The following ARHGAP22 variants were observed in gnomAD, a reference collection of about 807,000 sequenced individuals.
ARHGAP22 encodes Rho GTPase activating protein 22.
In ARHGAP22, 48 loss-of-function variants were observed where a neutral mutation model predicts 59.1. That is an observed-to-expected ratio of 0.81 (90% CI 0.64 to 1.03). The LOEUF (loss-of-function observed/expected upper bound fraction) is 1.03, where lower values mean the gene tolerates loss of function less well. Ranked by LOEUF, ARHGAP22 falls within the 50% of genes least tolerant of loss-of-function variation. The probability of loss-of-function intolerance (pLI) is 0.00; values close to 1 mark genes in which losing one functional copy is unlikely to be tolerated. For missense variants in ARHGAP22, 1,015 were observed against 958.7 expected, an observed-to-expected ratio of 1.06 and a Z score of -0.78; for synonymous variants, 445 against 416.4, an observed-to-expected ratio of 1.07 and a Z score of -0.84.
At chr10:48,629,995 T>A (rs2061574535) in intron 1 of ARHGAP22, among the ~76,000 whole-genome samples, 4 of 152,232 alleles carry the variant, frequency 2.6e-5, no homozygotes, top group Admixed American at 2.6e-4. Context: ...AATTTCAACT[T>A]TCAATTGTTC....
rs1476972188 is a variant in ARHGAP22 at position 48,604,819 on chromosome 10, C to T, written c.-23G>A. 1 of 1,614,130 alleles carries T rather than the reference C, an allele frequency of 6.2e-7. No individual in the cohort carries two copies. The highest frequency in any genetic ancestry group is 1.1e-5 in the South Asian group (1 of 91,090). ...CATGTTCTTGCAGCCGTCCGGCCAG[C>T]CCCGCAGGGCCGTTCATGCTGTCAT... On this transcript the variant is annotated 5_prime_UTR_variant, in exon 1 of 10. Transcript: ENST00000249601.
At chr10:48,588,048 G>C (rs2059534364) in intron 1 of ARHGAP22, among the ~76,000 whole-genome samples, 1 of 152,250 alleles carries the variant, frequency 6.6e-6, no homozygotes. Flanking sequence ...ATACATGGCT[G>C]ACTGTGGGAC....
At chr10:48,593,922 T>G (rs935183271) in intron 1 of ARHGAP22, among the ~76,000 whole-genome samples, 1 of 152,238 alleles carries the variant, frequency 6.6e-6, no homozygotes, top group Non-Finnish European at 1.5e-5. Flanking sequence ...GTGATAATGT[T>G]CCTAAAGGGA....
intron 1 of ARHGAP22, among the ~76,000 whole-genome samples, chr10:48,604,302 C>T (rs768090493): frequency 2.0e-5 from 3 of 152,252 alleles, no homozygotes; most frequent in Non-Finnish European, 4.4e-5. Context: ...TGAGGAAATA[C>T]TGTCTGCAAA....
chr10:48,609,974 C>G, upstream of ARHGAP22, among the ~76,000 whole-genome samples: 1 of 152,218 alleles, frequency 6.6e-6, no homozygotes, highest in East Asian at 1.9e-4. Flanking sequence ...CCTGCTTGTA[C>G]TGTAAGCCTG....
chr10:48,466,667 G>T (rs1330319033), intron 4 of ARHGAP22: 26 of 14,176 alleles, frequency 1.8e-3, no homozygotes, highest in Non-Finnish European at 2.5e-3. Context: ...GCCGGCATCA[G>T]GCCCATGGCG....
rs5784770 is a variant in ARHGAP22, at chr10:48,600,551, CAAA to C, written c.34+4209_34+4211del. Among the ~76,000 whole-genome samples, 111 of 139,004 alleles carry C rather than the reference CAAA, an allele frequency of 8.0e-4. 1 individual carries two copies. The highest frequency in any genetic ancestry group is 2.6e-3 in the African/African-American group (104 of 39,646). 91.2% of individuals were successfully genotyped at this position (139,004 alleles called of 152,430 possible). A position where few individuals can be genotyped will look rare whatever the true frequency, so the allele number is the denominator to read the frequency against. On this transcript the variant is annotated intron_variant, in intron 1 of 9. Coordinates refer to ENST00000249601, the MANE Select transcript of ARHGAP22 (RefSeq NM_021226.4). ...ACAATGAAAATCCCAGAGGAGTATTCAAAAAAAAAAAAAATCAGGCTGCAGTGT... is the reference window on the plus strand; with the variant it reads ...ACAATGAAAATCCCAGAGGAGTATTCAAAAAAAAAAATCAGGCTGCAGTGT...
intron 4 of ARHGAP22, 64 bp downstream of exon 4, chr10:48,479,572 C>T (rs1554864738): frequency 1.2e-6 from 2 of 1,612,182 alleles, no homozygotes; most frequent in East Asian, 2.2e-5. Context: ...TCAGGACAGG[C>T]AGGGGGCATG....
chr10:48,527,088 A>G (rs1400209804), intron 3 of ARHGAP22, among the ~76,000 whole-genome samples: 5 of 152,254 alleles, frequency 3.3e-5, no homozygotes, highest in Non-Finnish European at 7.3e-5. Context: ...ATGAGATTCA[A>G]TTTACAAAGG....
intron 1 of ARHGAP22, among the ~76,000 whole-genome samples, chr10:48,596,805 C>T (rs1383536615): frequency 1.3e-5 from 2 of 152,214 alleles, no homozygotes; most frequent in African/African-American, 4.8e-5. Flanking sequence ...GTTTTCGCTA[C>T]AGCCTTAGCC....
chr10:48,610,867 A>G (rs1007656356), intron 1 of ARHGAP22, among the ~76,000 whole-genome samples: 3 of 152,214 alleles, frequency 2.0e-5, no homozygotes, highest in Admixed American at 6.5e-5. Flanking sequence ...TCACCCTAAA[A>G]GAGCTAACAG....
At chr10:48,448,472 A>G (rs118103440) in intron 9 of ARHGAP22, among the ~76,000 whole-genome samples, 2 of 152,332 alleles carry the variant, frequency 1.3e-5, no homozygotes, top group East Asian at 3.9e-4. Flanking sequence ...CCTGCACAGC[A>G]TCTGGTACTT....
At chr10:48,527,951 G>A (rs1263486077) in intron 3 of ARHGAP22, among the ~76,000 whole-genome samples, 1 of 152,200 alleles carries the variant, frequency 6.6e-6, no homozygotes, top group African/African-American at 2.4e-5. Context: ...GGGCACAATG[G>A]GCTCTGGGAG....
At chr10:48,608,319 G>A (rs1564992657), upstream of ARHGAP22, among the ~76,000 whole-genome samples, 2 of 152,190 alleles carry the variant, frequency 1.3e-5, no homozygotes, top group South Asian at 2.1e-4. Context: ...CTGCTCAAAG[G>A]TGTCCAGTAG....
intron 3 of ARHGAP22, among the ~76,000 whole-genome samples, chr10:48,516,892 T>A (rs1240293642): frequency 6.6e-6 from 1 of 152,164 alleles, no homozygotes. Flanking sequence ...ATAAACAAAA[T>A]GTGGCATATT....
chr10:48,556,359 C>A (rs922866094), intron 2 of ARHGAP22, among the ~76,000 whole-genome samples: 1 of 152,122 alleles, frequency 6.6e-6, no homozygotes, highest in African/African-American at 2.4e-5. Flanking sequence ...GTGTTATAAC[C>A]GCTGTGATTG....
At chr10:48,618,824 T>C (rs904275999) in intron 1 of ARHGAP22, among the ~76,000 whole-genome samples, 1 of 152,114 alleles carries the variant, frequency 6.6e-6, no homozygotes, top group Non-Finnish European at 1.5e-5. Context: ...TTATTTAACA[T>C]AGTACTGGAA....
chr10:48,593,699 AC>A (rs2135781212), intron 1 of ARHGAP22, among the ~76,000 whole-genome samples: 1 of 152,392 alleles, frequency 6.6e-6, no homozygotes, highest in Non-Finnish European at 1.5e-5. Context: ...AGAACAGCAT[AC>A]AATTTAAAAC....
chr10:48,654,615 C>T (rs1749002963), upstream of ARHGAP22, among the ~76,000 whole-genome samples: 1 of 152,092 alleles, frequency 6.6e-6, no homozygotes, highest in Non-Finnish European at 1.5e-5. Context: ...GTTCAAAATA[C>T]AGTGCCCACA....
Sources: allele counts gnomAD v4.1 joint callset (sites outside exome capture counted in the v4.1 genomes callset), GRCh38; gene constraint gnomAD v4.1.1; transcripts MANE v1.5; gene names NCBI Gene and HGNC (gene_info 2026-07-23, HGNC 2026-07-21).